Variants in HMGCLL1 observed in about 807,000 individuals in gnomAD.
HMGCLL1 encodes 3-hydroxy-3-methylglutaryl-CoA lyase like 1, also known as 3-hydroxymethyl-3-methylglutaryl-CoA lyase, cytoplasmic.
In HMGCLL1, 36 loss-of-function variants were observed where a neutral mutation model predicts 39.1. The observed-to-expected ratio is 0.92, with a 90% confidence interval of 0.71 to 1.22. The LOEUF (loss-of-function observed/expected upper bound fraction) is 1.22. HMGCLL1 is among the 50% of genes most tolerant of loss of function. The probability of loss-of-function intolerance (pLI) is 0.00; values close to 1 mark genes in which losing one functional copy is unlikely to be tolerated. For synonymous variants in HMGCLL1, 149 were observed against 144.0 expected, an observed-to-expected ratio of 1.03 and a Z score of -0.25; for missense variants, 451 against 416.5, an observed-to-expected ratio of 1.08 and a Z score of -0.72.
the HMGCLL1 span, among the ~76,000 whole-genome samples, chr6:55,673,555 C>T: frequency 6.6e-6 from 1 of 151,848 alleles, no homozygotes; most frequent in Non-Finnish European, 1.5e-5. Context: ...AAATAGCAAA[C>T]ACCGTTAACA....
chr6:55,518,543 T>C (rs747559663), intron 3 of HMGCLL1, among the ~76,000 whole-genome samples: 1 of 152,156 alleles, frequency 6.6e-6, no homozygotes, highest in Non-Finnish European at 1.5e-5. Flanking sequence ...GTGGAAATCA[T>C]ACTATATGAC....
At chr6:55,587,979 A>G in the HMGCLL1 span, among the ~76,000 whole-genome samples, 1 of 152,202 alleles carries the variant, frequency 6.6e-6, no homozygotes, top group Non-Finnish European at 1.5e-5. Flanking sequence ...CGCACTGTCA[A>G]CATTAGACAA....
intron 7 of HMGCLL1, among the ~76,000 whole-genome samples, chr6:55,454,866 TG>T (rs1205937625): frequency 6.6e-6 from 1 of 152,188 alleles, no homozygotes; most frequent in Non-Finnish European, 1.5e-5. Context: ...GACATCTATT[TG>T]GGGGGTAAAC....
the HMGCLL1 span, among the ~76,000 whole-genome samples, chr6:55,636,881 C>A: frequency 6.6e-6 from 1 of 152,056 alleles, no homozygotes. Context: ...GACAGACCCA[C>A]CTGGAGTATA....
At chr6:55,559,134 G>A (rs1770813833) in intron 1 of HMGCLL1, among the ~76,000 whole-genome samples, 1 of 152,104 alleles carries the variant, frequency 6.6e-6, no homozygotes, top group African/African-American at 2.4e-5. Context: ...CTGGACAGGA[G>A]GAGAGTTATT....
chr6:55,678,674 A>G, the HMGCLL1 span, among the ~76,000 whole-genome samples: 3 of 152,168 alleles, frequency 2.0e-5, no homozygotes, highest in Non-Finnish European at 2.9e-5. Flanking sequence ...CATTATTCAG[A>G]AAAACAATAA....
At chr6:55,483,391 G>A (rs1238951209) in intron 7 of HMGCLL1, among the ~76,000 whole-genome samples, 3 of 152,034 alleles carry the variant, frequency 2.0e-5, no homozygotes, top group Non-Finnish European at 4.4e-5. Flanking sequence ...TCAGCCTCCC[G>A]AGTAGCTGGG....
the HMGCLL1 span, among the ~76,000 whole-genome samples, chr6:55,655,802 G>A: frequency 6.6e-6 from 1 of 151,928 alleles, no homozygotes; most frequent in African/African-American, 2.4e-5. Flanking sequence ...TATCTTAGAT[G>A]ACCTCATTAT....
intron 7 of HMGCLL1, among the ~76,000 whole-genome samples, chr6:55,492,948 T>A (rs58856662): frequency 0.029 from 4,388 of 152,008 alleles, 209 homozygotes; most frequent in African/African-American, 0.1. Context: ...GGGTACAGTA[T>A]CGATCTCTCC....
chr6:55,510,964 G>T (rs1767428789), intron 5 of HMGCLL1, among the ~76,000 whole-genome samples: 1 of 151,662 alleles, frequency 6.6e-6, no homozygotes, highest in Admixed American at 6.6e-5. Flanking sequence ...TCAATAAAGA[G>T]AAGCTGATAA....
intron 7 of HMGCLL1, among the ~76,000 whole-genome samples, chr6:55,480,108 AT>A (rs1330256027): frequency 1.3e-5 from 2 of 151,716 alleles, no homozygotes; most frequent in East Asian, 3.9e-4. Flanking sequence ...AAGTGGACAA[AT>A]TACATCAACT....
At chr6:55,510,269 T>C (rs1265225821) in intron 5 of HMGCLL1, among the ~76,000 whole-genome samples, 2 of 151,902 alleles carry the variant, frequency 1.3e-5, no homozygotes, top group Non-Finnish European at 2.9e-5. Flanking sequence ...AAAGAAACTT[T>C]CATGATTTAT....
At chr6:55,462,425 A>T (rs986859092) in intron 7 of HMGCLL1, among the ~76,000 whole-genome samples, 7 of 151,932 alleles carry the variant, frequency 4.6e-5, no homozygotes, top group Non-Finnish European at 8.8e-5. Context: ...TGCCCCCATG[A>T]CCTCTCTCCC....
chr6:55,454,724 T>C (rs1411567526), intron 7 of HMGCLL1, among the ~76,000 whole-genome samples: 2 of 152,168 alleles, frequency 1.3e-5, no homozygotes, highest in African/African-American at 4.8e-5. Context: ...AATGCCAGGA[T>C]GATACTTAAG....
At chr6:55,539,356 T>C (rs1769214876) in intron 3 of HMGCLL1, among the ~76,000 whole-genome samples, 1 of 152,138 alleles carries the variant, frequency 6.6e-6, no homozygotes, top group Non-Finnish European at 1.5e-5. Context: ...ACCAAAGGAA[T>C]ATAAATAATT....
chr6:55,566,059 T>C (rs1303316612), intron 1 of HMGCLL1, among the ~76,000 whole-genome samples: 1 of 152,152 alleles, frequency 6.6e-6, no homozygotes, highest in Non-Finnish European at 1.5e-5. Context: ...ATAAGATTCA[T>C]ATTTTGACTT....
chr6:55,536,883 A>G (rs1369124324), intron 3 of HMGCLL1, among the ~76,000 whole-genome samples: 2 of 152,210 alleles, frequency 1.3e-5, no homozygotes, highest in Non-Finnish European at 2.9e-5. Context: ...ATAAGTGATC[A>G]AGCAGCAATC....
chr6:55,513,017 C>T (rs933294430), intron 5 of HMGCLL1: 1 of 152,072 alleles, frequency 6.6e-6, no homozygotes, highest in Admixed American at 6.6e-5. Context: ...CTTGAGGCAA[C>T]TATTGGTCCT....
At chr6:55,609,873 G>A in the HMGCLL1 span, among the ~76,000 whole-genome samples, 1 of 152,164 alleles carries the variant, frequency 6.6e-6, no homozygotes, top group African/African-American at 2.4e-5. Flanking sequence ...ACATCTCTAG[G>A]TGCAGGTGCA....
Sources: gnomAD v4.1 joint callset for allele counts (sites outside exome capture counted in the v4.1 genomes callset) on GRCh38, gnomAD v4.1.1 for gene constraint, MANE v1.5 for transcripts, NCBI Gene and HGNC (gene_info 2026-07-23, HGNC 2026-07-21) for gene names.